Variants in CSMD1 observed in about 807,000 individuals in gnomAD.
CSMD1 encodes CUB and sushi domain-containing protein 1.
CSMD1 carries 213 observed loss-of-function variants against 417.5 expected under a neutral mutation model. That is an observed-to-expected ratio of 0.51 (90% CI 0.46 to 0.57). The LOEUF is 0.57. CSMD1 is among the 20% of genes least tolerant of loss of function. CSMD1 has a pLI of 0.00. For missense variants in CSMD1, 6,923 were observed against 4,529.7 expected (o/e 1.53, Z -15.17); for synonymous variants, 2,862 against 1,736.8 (o/e 1.65, Z -16.11).
intron 2 of CSMD1, among the ~76,000 whole-genome samples, chr8:4,446,458 C>A (rs999072561): frequency 6.6e-6 from 1 of 151,938 alleles, no homozygotes; most frequent in Non-Finnish European, 1.5e-5. Context: ...TGAGGTGGGA[C>A]GATCACCGAA....
At chr8:4,021,087 G>C (rs367622251) in intron 4 of CSMD1, among the ~76,000 whole-genome samples, 2 of 152,186 alleles carry the variant, frequency 1.3e-5, no homozygotes, top group African/African-American at 2.4e-5. Flanking sequence ...GCAATAATGA[G>C]GATAGAGGAT....
At chr8:4,328,709 T>C (rs1184616603) in intron 3 of CSMD1, among the ~76,000 whole-genome samples, 1 of 152,220 alleles carries the variant, frequency 6.6e-6, no homozygotes, top group Non-Finnish European at 1.5e-5. Context: ...CTTTATTAGC[T>C]ATACTATGGC....
intron 5 of CSMD1, among the ~76,000 whole-genome samples, chr8:3,973,535 T>C (rs1284069973): frequency 2.0e-5 from 3 of 152,156 alleles, no homozygotes; most frequent in Non-Finnish European, 4.4e-5. Context: ...CAAACGTACT[T>C]CTACAAACAA....
chr8:3,979,612 A>T (rs1181297964), intron 5 of CSMD1, among the ~76,000 whole-genome samples: 1 of 152,208 alleles, frequency 6.6e-6, no homozygotes, highest in Non-Finnish European at 1.5e-5. Context: ...TGATGAGATT[A>T]TAAAAAGAGG....
chr8:3,814,134 G>A (rs1055519321), intron 5 of CSMD1, among the ~76,000 whole-genome samples: 27 of 152,182 alleles, frequency 1.8e-4, no homozygotes, highest in Non-Finnish European at 3.4e-4. Context: ...TAACGTACCA[G>A]CTCAGCCCCA....
intron 3 of CSMD1, among the ~76,000 whole-genome samples, chr8:4,204,640 T>G (rs1440639990): frequency 6.6e-6 from 1 of 152,170 alleles, no homozygotes; most frequent in African/African-American, 2.4e-5. Flanking sequence ...CAAGCCTAAA[T>G]TATTTTATAA....
intron 10 of CSMD1, among the ~76,000 whole-genome samples, chr8:3,574,339 C>T (rs1800059460): frequency 1.3e-5 from 2 of 152,232 alleles, no homozygotes; most frequent in Admixed American, 1.3e-4. Context: ...CTCCTGGGTT[C>T]AAGCGATTCC....
At chr8:4,644,551 C>T (rs533692385) in intron 1 of CSMD1, among the ~76,000 whole-genome samples, 2 of 152,096 alleles carry the variant, frequency 1.3e-5, no homozygotes, top group Admixed American at 1.3e-4. Flanking sequence ...GGATTACAGG[C>T]ACGCGCCACC....
intron 3 of CSMD1, among the ~76,000 whole-genome samples, chr8:4,051,820 C>G (rs181525427): frequency 9.4e-4 from 142 of 150,852 alleles, no homozygotes; most frequent in African/African-American, 3.4e-3. Flanking sequence ...CAGTTTTCTT[C>G]TCTTTCTTCT....
chr8:3,711,432 G>C (rs531040262), intron 6 of CSMD1, among the ~76,000 whole-genome samples: 2 of 152,260 alleles, frequency 1.3e-5, no homozygotes, highest in South Asian at 4.1e-4. Flanking sequence ...ACCTATCCCA[G>C]GCTCACAACG....
chr8:3,360,415 A>G (rs1440017872), intron 20 of CSMD1, among the ~76,000 whole-genome samples: 1 of 152,206 alleles, frequency 6.6e-6, no homozygotes, highest in Non-Finnish European at 1.5e-5. Flanking sequence ...CTCTTGGTCC[A>G]TTATCAAGTC....
chr8:4,644,996 G>T (rs182408353), intron 1 of CSMD1, among the ~76,000 whole-genome samples: 273 of 152,294 alleles, frequency 1.8e-3, no homozygotes, highest in Non-Finnish European at 3.1e-3. Context: ...GTACTTGAAA[G>T]AACTATAAAT....
intron 2 of CSMD1, among the ~76,000 whole-genome samples, chr8:4,565,922 A>G (rs1347848801): frequency 1.3e-5 from 2 of 151,684 alleles, no homozygotes; most frequent in African/African-American, 2.4e-5. Flanking sequence ...TTTTGTTTCA[A>G]TGAGTGAAAA....
At chr8:4,515,154 A>T (rs1442785977) in intron 2 of CSMD1, among the ~76,000 whole-genome samples, 1 of 152,154 alleles carries the variant, frequency 6.6e-6, no homozygotes, top group African/African-American at 2.4e-5. Context: ...GGCTGTTATT[A>T]TGTCTGAGTT....
chr8:4,295,588 G>A (rs1797631499), intron 3 of CSMD1, among the ~76,000 whole-genome samples: 1 of 138,952 alleles, frequency 7.2e-6, no homozygotes, highest in South Asian at 2.3e-4. Context: ...GCTTATTAAG[G>A]GCTTAAGATT....
chr8:3,052,700 G>C, intron 49 of CSMD1, 53 bp from the exon 50 acceptor site: 1 of 1,273,504 alleles, frequency 7.9e-7, no homozygotes, highest in Non-Finnish European at 1.1e-6. Context: ...TTATTTTCCA[G>C]CTATTAAAAC....
At chr8:3,362,676 A>C (rs1032991423) in intron 20 of CSMD1, among the ~76,000 whole-genome samples, 36 of 152,290 alleles carry the variant, frequency 2.4e-4, no homozygotes, top group Non-Finnish European at 8.8e-5. Context: ...TCCCCAGGAG[A>C]AAAAGGTCTG....
At chr8:4,260,210 T>C (rs894203225) in intron 3 of CSMD1, among the ~76,000 whole-genome samples, 2 of 152,226 alleles carry the variant, frequency 1.3e-5, no homozygotes, top group South Asian at 4.1e-4. Flanking sequence ...GCCTATCTAA[T>C]TGGGGTGAAC....
At chr8:3,174,536 A>G (rs1820787850) in intron 37 of CSMD1, among the ~76,000 whole-genome samples, 1 of 152,172 alleles carries the variant, frequency 6.6e-6, no homozygotes, top group South Asian at 2.1e-4. Flanking sequence ...AGACATAAAG[A>G]TCACTTCTAT....
Sources: gnomAD v4.1 joint callset for allele counts (sites outside exome capture counted in the v4.1 genomes callset) on GRCh38, gnomAD v4.1.1 for gene constraint, MANE v1.5 for transcripts, NCBI Gene and HGNC (gene_info 2026-07-23, HGNC 2026-07-21) for gene names.